Variants in FMN1 observed in about 807,000 individuals in gnomAD.
The protein encoded by FMN1 is formin 1.
In FMN1, 110 loss-of-function variants were observed where a neutral mutation model predicts 132.4. The observed-to-expected ratio is 0.83, with a 90% CI of 0.71 to 0.97. FMN1 has a LOEUF of 0.97. FMN1 is among the 50% of genes least tolerant of loss of function. FMN1 has a pLI of 0.00. For missense variants in FMN1, 1,792 were observed against 1,705.3 expected, an observed-to-expected ratio of 1.05 and a Z score of -0.90; for synonymous variants, 722 against 651.7, an observed-to-expected ratio of 1.11 and a Z score of -1.64.
chr15:33,151,006 G>T, intron 4 of FMN1: 1 of 1,133,222 alleles, frequency 8.8e-7, no homozygotes. Context: ...CTGGAAGCAG[G>T]AAACTTCTCC....
intron 4 of FMN1, among the ~76,000 whole-genome samples, chr15:33,127,423 C>T (rs1464245692): frequency 1.3e-5 from 2 of 152,190 alleles, no homozygotes; most frequent in African/African-American, 2.4e-5. Context: ...ACAACTATTT[C>T]CTTGAGTTAA....
chr15:32,912,563 TA>T (rs1350144558), intron 10 of FMN1, among the ~76,000 whole-genome samples: 5 of 152,088 alleles, frequency 3.3e-5, no homozygotes, highest in African/African-American at 1.2e-4. Context: ...ATGAAGAAAG[TA>T]AAACAGAGAA....
Position 32,774,373 on chromosome 15 carries a change from T to G in FMN1, c.4216-19A>C. On this transcript the variant is annotated intron_variant, in intron 20 of 20. Coordinates refer to ENST00000616417, the MANE Select transcript of FMN1 (RefSeq NM_001277313.2). ...TTTCTTTCTGTTAAGGAAAAAAAAA[T>G]GAATGTATCATTTTCTTTCATCTTT... The G allele has an allele frequency of 6.4e-7, 1 of 1,561,228 alleles. No individual in the cohort carries two copies. The highest frequency in any genetic ancestry group is 1.9e-5 in the Admixed American group (1 of 52,336).
At position 32,896,494 on chromosome 15, in the gene FMN1, T is replaced by C. The variant is rs114833137; in HGVS notation, c.3714+2340A>G. Among the ~76,000 whole-genome samples the C allele has an allele frequency of 4.2e-3, 646 of 152,264 alleles. 1 individual carries two copies. Among genetic ancestry groups the C allele is most frequent in the African/African-American group, 0.015 (615 of 41,554 alleles). On this transcript the variant is annotated intron_variant, in intron 15 of 20. Transcript: ENST00000616417. Reference sequence around the variant, plus strand: ...AAATTTTTAAGTGTACAGTATAGTATTGTTAGCCATGTGTATTATTGTACA... The same window carrying C: ...AAATTTTTAAGTGTACAGTATAGTACTGTTAGCCATGTGTATTATTGTACA...
At chr15:33,185,321 AT>A (rs1965842598) in intron 2 of FMN1, among the ~76,000 whole-genome samples, 1 of 152,136 alleles carries the variant, frequency 6.6e-6, no homozygotes, top group Non-Finnish European at 1.5e-5. Context: ...TGGTAGTCCT[AT>A]TGGTTCCTTA....
intron 7 of FMN1, among the ~76,000 whole-genome samples, chr15:32,991,012 T>C (rs376080074): frequency 1.3e-5 from 2 of 152,038 alleles, no homozygotes; most frequent in East Asian, 1.9e-4. Flanking sequence ...AGCCAAACCA[T>C]AGCAGCAACC....
chr15:33,042,614 T>C (rs1430806588), intron 6 of FMN1, among the ~76,000 whole-genome samples: 1 of 152,208 alleles, frequency 6.6e-6, no homozygotes, highest in African/African-American at 2.4e-5. Context: ...AACAAGAGTG[T>C]TGGTACTACA....
chr15:33,015,404 A>G (rs1240145896), intron 6 of FMN1, among the ~76,000 whole-genome samples: 3 of 152,134 alleles, frequency 2.0e-5, no homozygotes, highest in African/African-American at 4.8e-5. Context: ...TGTGATTATG[A>G]TTCGTCTGTC....
rs890522656 is a variant in FMN1, at chr15:33,012,693, A to C, written c.2162-4618T>G. 1.0e-5 allele frequency: 8 copies of C among 800,852 alleles called. No homozygotes were observed. In the African/African-American group the frequency reaches 1.3e-4, roughly 13 times the overall value. 49.6% of individuals were successfully genotyped at this position (800,852 alleles called of 1,614,324 possible). On this transcript the variant is annotated intron_variant, in intron 6 of 20. Coordinates refer to ENST00000616417, the MANE Select transcript of FMN1 (RefSeq NM_001277313.2). ...AGATGGCTAGTGCTTCATCCAGCCAAAGAGGACATAGTAGTTCTGGAAACT... is the reference window on the plus strand; with the variant it reads ...AGATGGCTAGTGCTTCATCCAGCCACAGAGGACATAGTAGTTCTGGAAACT...
chr15:33,112,892 T>G (rs2039766314), intron 4 of FMN1, among the ~76,000 whole-genome samples: 2 of 152,112 alleles, frequency 1.3e-5, no homozygotes, highest in South Asian at 4.1e-4. Flanking sequence ...GTCAGAAAGG[T>G]TAAGCCTCCA....
chr15:33,019,700 C>T (rs1270367825), intron 6 of FMN1, among the ~76,000 whole-genome samples: 3 of 152,228 alleles, frequency 2.0e-5, no homozygotes, highest in African/African-American at 7.2e-5. Context: ...ACCCGGCGCA[C>T]CCTCCGCAGC....
chr15:33,044,241 A>C (rs1411388579), intron 6 of FMN1, among the ~76,000 whole-genome samples: 1 of 152,272 alleles, frequency 6.6e-6, no homozygotes, highest in East Asian at 1.9e-4. Context: ...CAAACACTCT[A>C]GGTTCCATGA....
chr15:33,149,383 A>G (rs969775640), intron 4 of FMN1, among the ~76,000 whole-genome samples: 1 of 152,256 alleles, frequency 6.6e-6, no homozygotes, highest in Non-Finnish European at 1.5e-5. Flanking sequence ...TCATAATATT[A>G]CAGAGCATAA....
intron 5 of FMN1, among the ~76,000 whole-genome samples, chr15:33,071,839 G>A (rs1047269725): frequency 6.6e-5 from 10 of 152,122 alleles, no homozygotes; most frequent in African/African-American, 2.4e-4. Context: ...ATCTAAATTG[G>A]TCTTGAAAAA....
chr15:32,969,080 G>A lies in FMN1; in HGVS notation c.2621C>T (p.Ser874Phe). ...GGGGAGGGGCGGAGGGGGAGGGATG[G>A]ATGCGGGAGGCGGAGGCAATGCCTT... The part of the protein sequence containing the change: ...QQKALPPPPA[S>F]IPPPPPLPSG... Residue 874 changes from serine (S) to phenylalanine (F), a missense_variant, in exon 8 of 21, where the codon TCC becomes TTC. Transcript: ENST00000616417. 6.3e-7 allele frequency: 1 copy of A among 1,598,396 alleles called. No homozygotes were observed. The highest frequency in any genetic ancestry group is 8.5e-7 in the Non-Finnish European group (1 of 1,170,622).
chr15:33,022,842 T>C (rs1434892663), intron 6 of FMN1, among the ~76,000 whole-genome samples: 1 of 151,904 alleles, frequency 6.6e-6, no homozygotes, highest in East Asian at 1.9e-4. Flanking sequence ...ACAGCTGTAG[T>C]TCCCAGATGG....
rs563375476 is a variant in FMN1 at position 33,159,896 on chromosome 15, G to A, written c.-131-4851C>T. 2.0e-3 allele frequency among the ~76,000 whole-genome samples: 309 copies of A among 152,344 alleles called. 1 individual carries two copies. The highest frequency in any genetic ancestry group is 7.7e-3 in the South Asian group (37 of 4,824). ...ATGATTAGAGGAACTGTAGTCCCAAGATGTATGGGGGAAAACCCTATTTCT... is the reference window on the plus strand; with the variant it reads ...ATGATTAGAGGAACTGTAGTCCCAAAATGTATGGGGGAAAACCCTATTTCT... On this transcript the variant is annotated intron_variant, in intron 3 of 20. Transcript: ENST00000616417.
intron 19 of FMN1, among the ~76,000 whole-genome samples, chr15:32,779,479 T>G (rs1018873495): frequency 1.3e-5 from 2 of 152,094 alleles, no homozygotes; most frequent in Non-Finnish European, 2.9e-5. Flanking sequence ...AAGAAATTGG[T>G]CTAGTTGGGT....
chr15:32,983,618 TA>T (rs1383638166), intron 7 of FMN1, among the ~76,000 whole-genome samples: 1 of 152,172 alleles, frequency 6.6e-6, no homozygotes, highest in Non-Finnish European at 1.5e-5. Flanking sequence ...TAATGTTACA[TA>T]AAAGTTGGGC....
Sources: gnomAD v4.1 joint callset for allele counts (sites outside exome capture counted in the v4.1 genomes callset) on GRCh38, gnomAD v4.1.1 for gene constraint, MANE v1.5 for transcripts, NCBI Gene and HGNC (gene_info 2026-07-23, HGNC 2026-07-21) for gene names.